NWD1: variants seen among roughly 807,000 people sequenced by gnomAD.
NWD1 encodes NACHT domain- and WD repeat-containing protein 1.
A neutral mutation model predicts 135.1 loss-of-function variants in NWD1; 129 were observed. The ratio of observed to expected loss-of-function variants is 0.96; its 90% CI spans 0.83 to 1.11. The LOEUF is 1.11. Ranked by LOEUF, NWD1 falls within the 50% of genes least tolerant of loss-of-function variation. The pLI is 0.00. For synonymous variants in NWD1, 773 were observed against 786.0 expected (o/e 0.98, Z 0.28); for missense variants, 1,740 against 1,851.3 (o/e 0.94, Z 1.10).
chr19:16,814,658 A>G (rs1157509841), intron 18 of NWD1, among the ~76,000 whole-genome samples: 1 of 152,352 alleles, frequency 6.6e-6, no homozygotes, highest in Admixed American at 6.5e-5. Flanking sequence ...AAAGTTACAG[A>G]TGGCTCAGAA....
intron 17 of NWD1, among the ~76,000 whole-genome samples, chr19:16,800,800 T>C (rs539081413): frequency 1.3e-5 from 2 of 152,270 alleles, no homozygotes; most frequent in Non-Finnish European, 2.9e-5. Flanking sequence ...CCTGTCACTC[T>C]GCTACAGTTC....
intron 17 of NWD1, among the ~76,000 whole-genome samples, chr19:16,807,274 A>G (rs1281438567): frequency 6.6e-6 from 1 of 151,798 alleles, no homozygotes; most frequent in Non-Finnish European, 1.5e-5. Flanking sequence ...TGGGTGGATC[A>G]CCTGAGGTTG....
intron 11 of NWD1, among the ~76,000 whole-genome samples, chr19:16,775,643 C>T (rs1386523104): frequency 6.6e-6 from 1 of 152,126 alleles, no homozygotes; most frequent in African/African-American, 2.4e-5. Context: ...GTAAGGAAGC[C>T]TGGGAAATAT....
chr19:16,764,684 T>C (rs1969153554), intron 9 of NWD1, among the ~76,000 whole-genome samples: 1 of 152,160 alleles, frequency 6.6e-6, no homozygotes, highest in Non-Finnish European at 1.5e-5. Context: ...CAACATTCTT[T>C]CTATCTCCCT....
intron 10 of NWD1, among the ~76,000 whole-genome samples, chr19:16,765,806 C>A (rs1471366925): frequency 2.0e-5 from 3 of 151,964 alleles, no homozygotes; most frequent in Non-Finnish European, 2.9e-5. Flanking sequence ...ATCACAAGGT[C>A]AGAAGTTTGA....
chr19:16,742,394 T>A (rs1317283117), intron 4 of NWD1, among the ~76,000 whole-genome samples: 3 of 151,728 alleles, frequency 2.0e-5, no homozygotes, highest in Non-Finnish European at 2.9e-5. Flanking sequence ...AAATAAATAA[T>A]AAATAAATAA....
At chr19:16,806,575 G>A (rs1036773306) in intron 17 of NWD1, among the ~76,000 whole-genome samples, 38 of 152,178 alleles carry the variant, frequency 2.5e-4, no homozygotes, top group African/African-American at 8.7e-4. Flanking sequence ...GCTGGGCGTG[G>A]TGGCCCGAGC....
At chr19:16,742,137 G>A (rs1353333349) in intron 4 of NWD1, among the ~76,000 whole-genome samples, 1 of 151,996 alleles carries the variant, frequency 6.6e-6, no homozygotes, top group African/African-American at 2.4e-5. Flanking sequence ...CACTTTGGGA[G>A]GCTGAAGCAG....
At chr19:16,801,434 G>A (rs980757095) in intron 17 of NWD1, 1 of 152,172 alleles carries the variant, frequency 6.6e-6, no homozygotes, top group African/African-American at 2.4e-5. Flanking sequence ...GTGAGACCCT[G>A]TCTCTAAAAA....
chr19:16,734,627 A>G (rs1967719536), intron 3 of NWD1, among the ~76,000 whole-genome samples: 1 of 148,134 alleles, frequency 6.8e-6, no homozygotes, highest in Non-Finnish European at 1.5e-5. Context: ...CCCAGGCTGG[A>G]GTGCAGGCAT....
At chr19:16,779,206 A>T in intron 11 of NWD1, 137 bp from the exon 12 acceptor site, 1 of 904,716 alleles carries the variant, frequency 1.1e-6, no homozygotes, top group Non-Finnish European at 1.8e-6. Flanking sequence ...CTTGCTGTGC[A>T]GCTTTGGGCA....
intron 17 of NWD1, among the ~76,000 whole-genome samples, chr19:16,803,736 G>A (rs1383383092): frequency 6.6e-6 from 1 of 150,522 alleles, no homozygotes; most frequent in Non-Finnish European, 1.5e-5. Context: ...GGCCAACATG[G>A]CGAAACCCCA....
chr19:16,755,692 T>A (rs1220069939), intron 6 of NWD1, among the ~76,000 whole-genome samples: 1 of 52,008 alleles, frequency 1.9e-5, no homozygotes, highest in Non-Finnish European at 3.6e-5. Context: ...CCAGCCTTAT[T>A]TATTTATTTA....
At chr19:16,811,549 A>C (rs1052008502) in intron 18 of NWD1, among the ~76,000 whole-genome samples, 2 of 150,862 alleles carry the variant, frequency 1.3e-5, no homozygotes, top group African/African-American at 2.4e-5. Flanking sequence ...GTGATATTGC[A>C]CTTCAGCCAG....
At chr19:16,802,947 CAAAAA>C (rs59153702) in intron 17 of NWD1, among the ~76,000 whole-genome samples, 2 of 81,896 alleles carry the variant, frequency 2.4e-5, no homozygotes, top group Non-Finnish European at 2.6e-5. Flanking sequence ...GACTCTGTCT[CAAAAA>C]AAAAAAAAAA....
intron 3 of NWD1, among the ~76,000 whole-genome samples, chr19:16,732,231 A>G (rs1278265440): frequency 6.6e-6 from 1 of 151,516 alleles, no homozygotes; most frequent in African/African-American, 2.4e-5. Context: ...AAAAAAAAAA[A>G]AAAGGCAGAT....
chr19:16,786,275 T>C (rs1166730994), intron 12 of NWD1, among the ~76,000 whole-genome samples: 2 of 152,126 alleles, frequency 1.3e-5, no homozygotes, highest in East Asian at 3.8e-4. Flanking sequence ...CTGAAAGTGC[T>C]GGGATTACAG....
intron 4 of NWD1, among the ~76,000 whole-genome samples, chr19:16,739,148 A>AT (rs1159416936): frequency 6.8e-6 from 1 of 148,124 alleles, no homozygotes; most frequent in African/African-American, 2.5e-5. Flanking sequence ...CCTAAGTTTA[A>AT]TTTTTCAAAG....
At chr19:16,788,369 G>A (rs1049088153) in intron 12 of NWD1, among the ~76,000 whole-genome samples, 1 of 150,264 alleles carries the variant, frequency 6.7e-6, no homozygotes, top group African/African-American at 2.4e-5. Context: ...AGGAGTTCAA[G>A]GCCAGCCTCG....
Sources: gnomAD v4.1 joint callset for allele counts (sites outside exome capture counted in the v4.1 genomes callset) on GRCh38, gnomAD v4.1.1 for gene constraint, MANE v1.5 for transcripts, NCBI Gene and HGNC (gene_info 2026-07-23, HGNC 2026-07-21) for gene names.